C1QTNF2: variants seen among roughly 807,000 people sequenced by gnomAD.
C1QTNF2 encodes complement C1q tumor necrosis factor-related protein 2.
C1QTNF2 carries 15 observed loss-of-function variants against 17.4 expected under a neutral mutation model. The observed-to-expected ratio is 0.86, with a 90% CI of 0.58 to 1.33. C1QTNF2 has a LOEUF of 1.33. Ranked by LOEUF, C1QTNF2 falls within the 40% of genes most tolerant of loss-of-function variation. The pLI, the probability that C1QTNF2 is intolerant of heterozygous loss-of-function variation, is 0.00. For missense variants in C1QTNF2, 381 were observed against 392.3 expected (o/e 0.97, Z 0.24); for synonymous variants, 154 against 163.3 (o/e 0.94, Z 0.44).
At chr5:160,355,586 C>T (rs777738165) in intron 1 of C1QTNF2, among the ~76,000 whole-genome samples, 2 of 152,138 alleles carry the variant, frequency 1.3e-5, no homozygotes, top group Non-Finnish European at 2.9e-5. Flanking sequence ...TTCCTGTGCG[C>T]CAGGCATGTG....
Position 160,354,592 on chromosome 5 carries a change from AAAAAAGT to A in C1QTNF2, c.244+169_244+175del, listed in dbSNP as rs1420488471. ...AGCCTCTGTCTCAAGGGGAAAAAAA[AAAAAAGT>A]ATATATATATATATATATATATATA... On this transcript the variant is annotated intron_variant, in intron 2 of 2. Coordinates refer to ENST00000652664, the MANE Select transcript of C1QTNF2 (RefSeq NM_031908.6). Among the ~76,000 whole-genome samples, 33 of 46,462 alleles carry A rather than the reference AAAAAAGT, an allele frequency of 7.1e-4. 2 individuals carry two copies. In the East Asian group the frequency reaches 0.013, roughly 18 times the overall value. The allele number at this position is 46,462 out of a possible 152,430, so 30.5% of individuals were successfully genotyped here.
intron 1 of C1QTNF2, among the ~76,000 whole-genome samples, chr5:160,365,400 G>A (rs1293603523): frequency 2.6e-5 from 4 of 152,128 alleles, no homozygotes; most frequent in African/African-American, 4.8e-5. Context: ...CTTGATGGGC[G>A]TTCGGAGTAA....
At chr5:160,352,734 G>A (rs1355138243) in intron 2 of C1QTNF2, among the ~76,000 whole-genome samples, 1 of 152,220 alleles carries the variant, frequency 6.6e-6, no homozygotes, top group South Asian at 2.1e-4. Flanking sequence ...TGCCCAGCAC[G>A]CTGGAAGACC....
At chr5:160,351,964 G>A (rs1388926635) in intron 2 of C1QTNF2, among the ~76,000 whole-genome samples, 2 of 150,980 alleles carry the variant, frequency 1.3e-5, no homozygotes, top group African/African-American at 2.4e-5. Context: ...AGGCTGGAGT[G>A]CAGTGGCGCG....
chr5:160,370,394 G>A (rs893525098), intron 1 of C1QTNF2, 118 bp downstream of exon 1: 22 of 1,286,702 alleles, frequency 1.7e-5, no homozygotes, highest in Non-Finnish European at 2.1e-5. Flanking sequence ...CAATAAAGGC[G>A]CGCTGGCAGC....
rs1012421439 is a variant in C1QTNF2 at position 160,355,216 on chromosome 5, GGA to G, written c.-9-198_-9-197del. The stretch of plus-strand genomic sequence containing the variant: ...ATCTTGAGGACATATTTGGGTGAGT[GGA>G]GTCATTACCCAGAATACACTTCGAA... On this transcript the variant is annotated intron_variant, in intron 1 of 2. Coordinates refer to ENST00000652664, the MANE Select transcript of C1QTNF2 (RefSeq NM_031908.6). 3.4e-5 allele frequency: 33 copies of G among 984,878 alleles called. No homozygotes were observed. The African/African-American group carries it at 5.6e-4, about 17-fold the overall frequency. The allele number at this position is 984,878 out of a possible 1,614,324, so 61.0% of individuals were successfully genotyped here. A position where few individuals can be genotyped will look rare whatever the true frequency, so the allele number is the denominator to read the frequency against.
Position 160,355,100 on chromosome 5 carries a change from G to A in C1QTNF2, c.-9-80C>T, listed in dbSNP as rs1261874773. ...GGCTGGTCAGAGGGGATGCACAGGA[G>A]GAGGCAGCTGGGATACACTCAGTTG... On this transcript the variant is annotated intron_variant, in intron 1 of 2. Coordinates refer to ENST00000652664, the MANE Select transcript of C1QTNF2 (RefSeq NM_031908.6). 8 of 1,446,000 alleles carry A rather than the reference G, an allele frequency of 5.5e-6. No individual in the cohort carries two copies. In the East Asian group the frequency reaches 7.3e-5, roughly 13 times the overall value. 89.6% of individuals were successfully genotyped at this position (1,446,000 alleles called of 1,614,324 possible). A position where few individuals can be genotyped will look rare whatever the true frequency, so the allele number is the denominator to read the frequency against.
rs1321883156 is a variant in C1QTNF2, at chr5:160,354,973, A to G, written c.39T>C (p.Cys13=). ...AGGCGCCAAGCAGTGGGTCAGCAGC[A>G]CAGGGGAGGGCACAGGCCAGGAGCA... is the stretch of plus-strand genomic sequence containing the variant. ...PWVLLACALP[C]AADPLLGAFA... The change falls in exon 2 of 3, where the codon TGT becomes TGC. Residue 13 remains cysteine (C), a synonymous_variant. Transcript: ENST00000652664. 3 of 1,591,828 alleles carry G rather than the reference A, an allele frequency of 1.9e-6. No homozygotes were observed. The highest frequency in any genetic ancestry group is 2.6e-6 in the Non-Finnish European group (3 of 1,170,060).
intron 1 of C1QTNF2, 41 bp downstream of exon 1, chr5:160,370,471 G>A: frequency 2.9e-6 from 4 of 1,390,796 alleles, no homozygotes; most frequent in Admixed American, 3.4e-5. Flanking sequence ...CTCCCCGCGC[G>A]CACTTGCCGC....
intron 1 of C1QTNF2, among the ~76,000 whole-genome samples, chr5:160,367,016 A>G (rs1428912625): frequency 2.4e-5 from 3 of 126,978 alleles, no homozygotes; most frequent in African/African-American, 6.3e-5. Flanking sequence ...AGAGCAAGAC[A>G]TTGTCAAAAA....
At chr5:160,358,689 T>C (rs1681875131) in intron 1 of C1QTNF2, among the ~76,000 whole-genome samples, 2 of 152,220 alleles carry the variant, frequency 1.3e-5, no homozygotes, top group South Asian at 4.1e-4. Context: ...CAAGGAACCA[T>C]CTAATCCAAC....
chr5:160,356,499 G>C (rs947955629), intron 1 of C1QTNF2, among the ~76,000 whole-genome samples: 1 of 152,206 alleles, frequency 6.6e-6, no homozygotes, highest in African/African-American at 2.4e-5. Flanking sequence ...AAGGGATGCT[G>C]CTGATGGTGG....
In C1QTNF2 at chr5:160,349,682, C is replaced by T. The variant is rs752872122; in HGVS notation, c.344G>A (p.Gly115Asp). 3.7e-6 allele frequency: 6 copies of T among 1,611,814 alleles called. No homozygotes were observed. Among genetic ancestry groups the T allele is most frequent in the Non-Finnish European group, 5.1e-6 (6 of 1,179,338 alleles). ...TGGTGTGCCATGCTTCCCGGGGGTACCGTTGACCCCCTTGGGGCCACGGGG... is the reference window on the plus strand; with the variant it reads ...TGGTGTGCCATGCTTCCCGGGGGTATCGTTGACCCCCTTGGGGCCACGGGG... ...AGPRGPKGVNGTPGKHGTPGK... is the reference protein window; with the variant it reads ...AGPRGPKGVNDTPGKHGTPGK... The change falls in exon 3 of 3, where the codon GGT becomes GAT. Residue 115 changes from glycine to aspartate, a missense_variant. By Grantham distance (94) the Gly-to-Asp change is moderately conservative (BLOSUM62 -1). Coordinates refer to ENST00000652664, the MANE Select transcript of C1QTNF2 (RefSeq NM_031908.6). The surrounding 1 kb of genome is among the most constrained non-coding windows in gnomAD (Gnocchi z 4.3).
At chr5:160,353,226 T>C (rs1253369125) in intron 2 of C1QTNF2, among the ~76,000 whole-genome samples, 1 of 152,124 alleles carries the variant, frequency 6.6e-6, no homozygotes, top group African/African-American at 2.4e-5. Context: ...TTTGTCAATA[T>C]TAAAATGCCA....
At chr5:160,367,661 C>T (rs1049930386) in intron 1 of C1QTNF2, among the ~76,000 whole-genome samples, 5 of 152,140 alleles carry the variant, frequency 3.3e-5, no homozygotes, top group African/African-American at 9.7e-5. Flanking sequence ...CTCTAGGGAT[C>T]GTGAGAAATA....
chr5:160,364,811 GGCGTGTCTGT>G (rs111649779), intron 1 of C1QTNF2, among the ~76,000 whole-genome samples: 4,437 of 152,302 alleles, frequency 0.029, 211 homozygotes, highest in African/African-American at 0.1. Flanking sequence ...TGAGCCACCT[GGCGTGTCTGT>G]GCTCCATAAT....
At chr5:160,354,584 G>GAAAA (rs200801719) in intron 2 of C1QTNF2, among the ~76,000 whole-genome samples, 184 bp downstream of exon 2, 10 of 27,488 alleles carry the variant, frequency 3.6e-4, no homozygotes, top group African/African-American at 1.4e-3. Flanking sequence ...GTCTCAAGGG[G>GAAAA]AAAAAAAAAA....
At position 160,348,867 on chromosome 5, in the gene C1QTNF2, C is replaced by T; in HGVS notation, c.*301G>A. 3.3e-6 allele frequency: 1 copy of T among 304,190 alleles called. No individual in the cohort carries two copies. The highest frequency in any genetic ancestry group is 5.5e-5 in the East Asian group (1 of 18,168). 18.8% of individuals were successfully genotyped at this position (304,190 alleles called of 1,614,324 possible). A position where few individuals can be genotyped will look rare whatever the true frequency, so the allele number is the denominator to read the frequency against. ...TTGCTTGTATATTTGTAAATTGTAT[C>T]TCCTGCTAGAATGTAAGCTGCATGA... On this transcript the variant is annotated 3_prime_UTR_variant, in exon 3 of 3. Coordinates refer to ENST00000652664, the MANE Select transcript of C1QTNF2 (RefSeq NM_031908.6).
At chr5:160,369,057 GT>G (rs763175504) in intron 1 of C1QTNF2, among the ~76,000 whole-genome samples, 26 of 48,998 alleles carry the variant, frequency 5.3e-4, no homozygotes, top group African/African-American at 2.0e-3. Flanking sequence ...TTCTCTTTGA[GT>G]TTAAAAAAAA....
Sources: allele counts gnomAD v4.1 joint callset (sites outside exome capture counted in the v4.1 genomes callset), GRCh38; gene constraint gnomAD v4.1.1; non-coding constraint Gnocchi (gnomAD v3.1); transcripts MANE v1.5; gene names NCBI Gene and HGNC (gene_info 2026-07-23, HGNC 2026-07-21).